SNURF: variants seen among roughly 807,000 people sequenced by gnomAD.
The protein encoded by SNURF is SNRPN upstream open reading frame.
SNURF carries 6 observed loss-of-function variants against 11.6 expected under a neutral mutation model. The ratio of observed to expected loss-of-function variants is 0.52; its 90% CI spans 0.28 to 1.02. The LOEUF (loss-of-function observed/expected upper bound fraction) is 1.02, where lower values mean the gene tolerates loss of function less well. Ranked by LOEUF, SNURF falls within the 50% of genes least tolerant of loss-of-function variation. The pLI is 0.09. For missense variants in SNURF, 84 were observed against 88.4 expected (o/e 0.95, Z 0.20); for synonymous variants, 29 against 31.6 (o/e 0.92, Z 0.27).
chr15:24,956,586 G>A (rs895425649), intron 1 of SNURF, among the ~76,000 whole-genome samples: 1 of 152,218 alleles, frequency 6.6e-6, no homozygotes, highest in African/African-American at 2.4e-5. Flanking sequence ...GCAGTGGGGC[G>A]AGACGTGGGG....
chr15:24,966,630 C>T (rs1443686597), intron 2 of SNURF, among the ~76,000 whole-genome samples: 1 of 152,088 alleles, frequency 6.6e-6, no homozygotes, highest in Non-Finnish European at 1.5e-5. Context: ...ATCCTAGGGA[C>T]CCACCTTGAG....
At chr15:24,965,908 A>G (rs2075558906) in intron 2 of SNURF, among the ~76,000 whole-genome samples, 1 of 148,802 alleles carries the variant, frequency 6.7e-6, no homozygotes, top group African/African-American at 2.5e-5. Context: ...ACCTTTATGA[A>G]TAATAATCAG....
At chr15:24,962,569 CT>C (rs2074998478) in intron 2 of SNURF, among the ~76,000 whole-genome samples, 1 of 152,068 alleles carries the variant, frequency 6.6e-6, no homozygotes, top group Non-Finnish European at 1.5e-5. Flanking sequence ...CATATTCATT[CT>C]TGCTCTGTGA....
chr15:24,976,890 G>A, exon 6 of SNURF: 2 of 1,608,130 alleles, frequency 1.2e-6, no homozygotes, highest in Non-Finnish European at 1.7e-6. Context: ...GGCATTGCTC[G>A]GGTACCACTT....
At chr15:24,957,486 A>G (rs986322647) in intron 1 of SNURF, among the ~76,000 whole-genome samples, 3 of 152,186 alleles carry the variant, frequency 2.0e-5, no homozygotes, top group African/African-American at 7.2e-5. Context: ...GCATTTTTAT[A>G]TTCCAGTACT....
downstream of SNURF, among the ~76,000 whole-genome samples, chr15:24,971,954 C>G (rs903207302): frequency 2.0e-5 from 3 of 152,048 alleles, no homozygotes; most frequent in African/African-American, 7.2e-5. Context: ...TGTTGCAGTG[C>G]TATAAAAATG....
intron 6 of SNURF, chr15:24,977,685 GT>G: frequency 3.2e-6 from 4 of 1,240,278 alleles, no homozygotes; most frequent in Middle Eastern, 2.0e-4. Flanking sequence ...ACAGTTGTTT[GT>G]AACTAATTGG....
downstream of SNURF, among the ~76,000 whole-genome samples, chr15:24,972,421 G>A (rs992165354): frequency 6.6e-6 from 1 of 151,836 alleles, no homozygotes; most frequent in Non-Finnish European, 1.5e-5. Flanking sequence ...TTTTGTGGAG[G>A]TCTTTGTTTG....
chr15:24,969,188 G>T (rs2076079700), downstream of SNURF, among the ~76,000 whole-genome samples: 1 of 152,102 alleles, frequency 6.6e-6, no homozygotes, highest in Non-Finnish European at 1.5e-5. Flanking sequence ...GAGTGCAGTG[G>T]TATGGTTTCG....
intron 2 of SNURF, among the ~76,000 whole-genome samples, chr15:24,963,303 G>GA (rs1265080008): frequency 6.6e-6 from 1 of 152,180 alleles, no homozygotes; most frequent in African/African-American, 2.4e-5. Flanking sequence ...TATTAACAAT[G>GA]AAAAGAACAG....
chr15:24,978,570 C>A (rs979218781), downstream of SNURF: 2 of 881,110 alleles, frequency 2.3e-6, no homozygotes, highest in Admixed American at 3.7e-5. Flanking sequence ...ATGCATAGAG[C>A]AATTAAACTG....
chr15:24,972,027 C>T (rs1376965962), downstream of SNURF, among the ~76,000 whole-genome samples: 2 of 151,874 alleles, frequency 1.3e-5, no homozygotes, highest in Non-Finnish European at 1.5e-5. Context: ...AGGCTGAGGC[C>T]GGCAGGTCAC....
chr15:24,956,809 C>T (rs760354338), intron 1 of SNURF, among the ~76,000 whole-genome samples: 15 of 152,148 alleles, frequency 9.9e-5, no homozygotes, highest in Non-Finnish European at 1.9e-4. Context: ...GGCTAGAGGC[C>T]AGGCATTTGT....
chr15:24,967,683 C>T (rs1161342566), intron 2 of SNURF, among the ~76,000 whole-genome samples: 1 of 150,430 alleles, frequency 6.6e-6, no homozygotes, highest in Non-Finnish European at 1.5e-5. Context: ...TGGTAGGTGC[C>T]TGTAATCCCA....
chr15:24,957,117 C>T (rs1452661649), intron 1 of SNURF, among the ~76,000 whole-genome samples: 1 of 152,006 alleles, frequency 6.6e-6, no homozygotes, highest in East Asian at 1.9e-4. Flanking sequence ...CTTTGATTTC[C>T]ATTCGACACA....
chr15:24,977,541 G>A (rs1337281431), intron 6 of SNURF, among the ~76,000 whole-genome samples: 1 of 152,224 alleles, frequency 6.6e-6, no homozygotes, highest in Non-Finnish European at 1.5e-5. Context: ...CAGGCAGGGA[G>A]ACAGGAGAAT....
chr15:24,974,849 C>G, intron 3 of SNURF: 1 of 693,482 alleles, frequency 1.4e-6, no homozygotes, highest in South Asian at 1.5e-5. Context: ...ATGAGATGAG[C>G]CACTGTGCCT....
intron 2 of SNURF, among the ~76,000 whole-genome samples, chr15:24,966,014 G>A (rs2075576902): frequency 1.3e-5 from 2 of 152,110 alleles, no homozygotes; most frequent in Admixed American, 1.3e-4. Flanking sequence ...AGAGTATAAA[G>A]TAGACTATGA....
chr15:24,958,129 G>A (rs544877140), intron 1 of SNURF, among the ~76,000 whole-genome samples: 1 of 152,222 alleles, frequency 6.6e-6, no homozygotes, highest in African/African-American at 2.4e-5. Flanking sequence ...TTGCCGAAAT[G>A]TTTTCCACAT....
Sources: gnomAD v4.1 joint callset for allele counts (sites outside exome capture counted in the v4.1 genomes callset) on GRCh38, gnomAD v4.1.1 for gene constraint, MANE v1.5 for transcripts, NCBI Gene and HGNC (gene_info 2026-07-23, HGNC 2026-07-21) for gene names.